The following GRIN3A variants were observed in gnomAD, a reference collection of about 807,000 sequenced individuals.
GRIN3A encodes the protein glutamate receptor ionotropic, NMDA 3A.
GRIN3A carries 47 observed loss-of-function variants against 92.4 expected under a neutral mutation model. The ratio of observed to expected loss-of-function variants is 0.51; its 90% CI spans 0.40 to 0.65. The LOEUF (loss-of-function observed/expected upper bound fraction) is 0.65. Ranked by LOEUF, GRIN3A falls within the 30% of genes least tolerant of loss-of-function variation. The pLI, the probability that GRIN3A is intolerant of heterozygous loss-of-function variation, is 0.00. For missense variants in GRIN3A, 1,324 were observed against 1,393.1 expected (o/e 0.95, Z 0.79); for synonymous variants, 527 against 540.6 (o/e 0.97, Z 0.35).
chr9:101,636,089 A>G (rs10819957), intron 3 of GRIN3A, among the ~76,000 whole-genome samples: 86,421 of 151,874 alleles, frequency 0.57, 24,842 homozygotes, highest in African/African-American at 0.66. Flanking sequence ...CACCATGTTG[A>G]CCAGGCTGGT....
At chr9:101,722,490 C>G (rs1454205441) in intron 1 of GRIN3A, among the ~76,000 whole-genome samples, 1 of 152,216 alleles carries the variant, frequency 6.6e-6, no homozygotes, top group African/African-American at 2.4e-5. Context: ...GATCCACCAA[C>G]AGCTTTTACC....
At chr9:101,702,604 T>A (rs1335778205) in intron 1 of GRIN3A, among the ~76,000 whole-genome samples, 5 of 152,170 alleles carry the variant, frequency 3.3e-5, no homozygotes. Flanking sequence ...TGTCTTTGCC[T>A]CTCTTCTTAT....
chr9:101,614,600 T>C (rs1474274078), intron 5 of GRIN3A, among the ~76,000 whole-genome samples: 1 of 150,098 alleles, frequency 6.7e-6, no homozygotes, highest in African/African-American at 2.5e-5. Context: ...TATGCATATA[T>C]ATGTGATACT....
chr9:101,588,244 A>G (rs1827973327), intron 6 of GRIN3A, among the ~76,000 whole-genome samples: 1 of 152,226 alleles, frequency 6.6e-6, no homozygotes, highest in Admixed American at 6.5e-5. Context: ...ATTAACCAAG[A>G]CATAGTGAAA....
intron 1 of GRIN3A, among the ~76,000 whole-genome samples, chr9:101,736,570 C>T (rs1048207887): frequency 6.6e-6 from 1 of 151,968 alleles, no homozygotes; most frequent in Non-Finnish European, 1.5e-5. Context: ...CCTCTGAGTC[C>T]ACATTACATA....
intron 5 of GRIN3A, among the ~76,000 whole-genome samples, chr9:101,618,365 C>T (rs1242866882): frequency 4.0e-5 from 6 of 151,890 alleles, no homozygotes; most frequent in Non-Finnish European, 5.9e-5. Flanking sequence ...AAACAAACAA[C>T]CCCATCAAAA....
Position 101,670,713 on chromosome 9 carries a change from T to A in GRIN3A, c.1699A>T (p.Thr567Ser). The A allele has an allele frequency of 6.2e-7, 1 of 1,614,074 alleles. No individual in the cohort carries two copies. The highest frequency in any genetic ancestry group is 8.5e-7 in the Non-Finnish European group (1 of 1,179,958). ...CACTTCTTGAATTTAATGGGCACTG[T>A]ATCATTACTGCTATGGAGGCTGCTA... ...LFSSLHSSND[T>S]VPIKFKKCCY... The change falls in exon 3 of 9, where the codon ACA becomes TCA. Residue 567 changes from threonine to serine, a missense_variant. Thr to Ser is a moderately conservative substitution (Grantham distance 58). Transcript: ENST00000361820.
At chr9:101,678,225 TCA>T (rs1489382186) in intron 2 of GRIN3A, among the ~76,000 whole-genome samples, 4 of 152,190 alleles carry the variant, frequency 2.6e-5, no homozygotes, top group Non-Finnish European at 5.9e-5. Context: ...GTGATCTTCA[TCA>T]CTTTGCCAGA....
At chr9:101,737,224 A>G in intron 1 of GRIN3A, 57 bp downstream of exon 1, 4 of 1,447,690 alleles carry the variant, frequency 2.8e-6, no homozygotes, top group Non-Finnish European at 3.9e-6. Context: ...CCCCTCATGC[A>G]ATGGCCCCGG....
chr9:101,663,074 TG>T (rs1428862276), intron 3 of GRIN3A, among the ~76,000 whole-genome samples: 3 of 151,942 alleles, frequency 2.0e-5, no homozygotes, highest in Admixed American at 6.6e-5. Flanking sequence ...ATGTCATAGT[TG>T]ATGAGACAGT....
chr9:101,721,970 T>C (rs1031872281), intron 1 of GRIN3A, among the ~76,000 whole-genome samples: 4 of 152,204 alleles, frequency 2.6e-5, no homozygotes, highest in African/African-American at 9.6e-5. Flanking sequence ...TTTGAATAAG[T>C]AGCAGAGAGC....
rs114268902 is a variant in GRIN3A at position 101,619,145 on chromosome 9, C to T, written c.2614+4173G>A. ...AAATTCATAGACTAAAAGAATCTTC[C>T]GAAATGTGGTTGGAAAAGAGATGTT... On this transcript the variant is annotated intron_variant, in intron 5 of 8. Coordinates refer to ENST00000361820, the MANE Select transcript of GRIN3A (RefSeq NM_133445.3). 5.7e-3 allele frequency among the ~76,000 whole-genome samples: 866 copies of T among 152,166 alleles called. 8 individuals are homozygous for T. Among genetic ancestry groups the T allele is most frequent in the African/African-American group, 0.02 (826 of 41,498 alleles).
intron 1 of GRIN3A, among the ~76,000 whole-genome samples, chr9:101,724,283 C>A (rs537296801): frequency 6.6e-6 from 1 of 152,178 alleles, no homozygotes; most frequent in Non-Finnish European, 1.5e-5. Context: ...TAAGGCCCGG[C>A]GAGAAATCAA....
chr9:101,631,361 C>A (rs1220290587), intron 3 of GRIN3A, among the ~76,000 whole-genome samples: 1 of 152,078 alleles, frequency 6.6e-6, no homozygotes, highest in Non-Finnish European at 1.5e-5. Flanking sequence ...CTAAACAAAC[C>A]CTCTCTTTAA....
intron 4 of GRIN3A, among the ~76,000 whole-genome samples, chr9:101,624,567 T>G: frequency 6.6e-6 from 1 of 152,146 alleles, no homozygotes; most frequent in Non-Finnish European, 1.5e-5. Flanking sequence ...TCATTTTTTA[T>G]GGCTGCATAG....
chr9:101,674,285 A>T (rs1206650304), intron 2 of GRIN3A, among the ~76,000 whole-genome samples: 1 of 152,094 alleles, frequency 6.6e-6, no homozygotes, highest in African/African-American at 2.4e-5. Flanking sequence ...CTAGTTATAT[A>T]GGACATAGTT....
intron 6 of GRIN3A, among the ~76,000 whole-genome samples, chr9:101,598,067 T>C (rs1277576033): frequency 6.6e-6 from 1 of 152,188 alleles, no homozygotes; most frequent in Non-Finnish European, 1.5e-5. Flanking sequence ...TAATAATCTA[T>C]AGCAGTGCTG....
chr9:101,632,946 G>A (rs1011628869), intron 3 of GRIN3A, among the ~76,000 whole-genome samples: 7 of 152,140 alleles, frequency 4.6e-5, no homozygotes, highest in Non-Finnish European at 1.0e-4. Flanking sequence ...TTCCGATTCT[G>A]TTTATATTTG....
In GRIN3A at chr9:101,737,902, G is replaced by A. The variant is rs766019737; in HGVS notation, c.78C>T (p.Ala26=). 1 of 1,535,030 alleles carries A rather than the reference G, an allele frequency of 6.5e-7. No individual in the cohort carries two copies. The highest frequency in any genetic ancestry group is 8.7e-7 in the Non-Finnish European group (1 of 1,146,936). ...GGTGCGAGGAGGAGCTGGGCACCCC[G>A]GCCAGCACCAGTGCGCAGGGCGGCG... ...LLPPPCALVL[A]GVPSSSSHPQ... is the part of the protein sequence containing the mutation. Residue 26 remains alanine, a synonymous_variant, in exon 1 of 9, where the codon GCC becomes GCT. Transcript: ENST00000361820.
Sources: gnomAD v4.1 joint callset for allele counts (sites outside exome capture counted in the v4.1 genomes callset) on GRCh38, gnomAD v4.1.1 for gene constraint, MANE v1.5 for transcripts, NCBI Gene and HGNC (gene_info 2026-07-23, HGNC 2026-07-21) for gene names.